Variants in SYDE2 observed in about 807,000 individuals in gnomAD.
SYDE2 encodes the protein synapse defective Rho GTPase homolog 2.
SYDE2 carries 76 observed loss-of-function variants against 91.5 expected under a neutral mutation model. The ratio of observed to expected loss-of-function variants is 0.83; its 90% confidence interval spans 0.69 to 1.01. The LOEUF is 1.01. Among genes scored for constraint, SYDE2 ranks in the 50% least tolerant of loss-of-function variants. The pLI is 0.00. For synonymous variants in SYDE2, 513 were observed against 506.4 expected (o/e 1.01, Z -0.18); for missense variants, 1,364 against 1,367.7 (o/e 1.00, Z 0.04).
intron 4 of SYDE2, among the ~76,000 whole-genome samples, chr1:85,174,144 T>C (rs817436): frequency 0.077 from 11,750 of 151,966 alleles, 518 homozygotes; most frequent in Middle Eastern, 0.13. Context: ...GTAGTGGCAG[T>C]GGGTAGGTGG....
intron 6 of SYDE2, among the ~76,000 whole-genome samples, chr1:85,164,162 T>C (rs1657179848): frequency 1.3e-5 from 2 of 152,204 alleles, no homozygotes; most frequent in Non-Finnish European, 2.9e-5. Context: ...TACACAATTT[T>C]TAAAAATCCT....
chr1:85,158,832 T>C lies in SYDE2; in HGVS notation c.3503A>G (p.Lys1168Arg), dbSNP rs919168721. 2.6e-6 allele frequency: 2 copies of C among 775,494 alleles called. No individual in the cohort carries two copies. Among genetic ancestry groups the C allele is most frequent in the Admixed American group, 1.7e-5 (1 of 57,882 alleles). 48.0% of individuals were successfully genotyped at this position (775,494 alleles called of 1,614,324 possible). A position where few individuals can be genotyped will look rare whatever the true frequency, so the allele number is the denominator to read the frequency against. The change falls in exon 7 of 7, where the codon AAA becomes AGA. Residue 1168 changes from lysine (K) to arginine (R), a missense_variant. Lys to Arg is a conservative substitution (Grantham distance 26, BLOSUM62 2). Transcript: ENST00000341460. ...ESTVDRKNNL[K>R]DLQESIDTLI... is the part of the protein sequence containing the mutation. The stretch of plus-strand genomic sequence containing the variant: ...AGTATCAATACTTTCTTGTAGATCT[T>C]TGAGATTGTTTTTTCGATCCACTGT...
At chr1:85,159,931 AT>A (rs1201287854) in intron 6 of SYDE2, 4 of 984,514 alleles carry the variant, frequency 4.1e-6, no homozygotes, top group Admixed American at 6.2e-5. Flanking sequence ...CCCAAATAAC[AT>A]TTTCCACATT....
intron 2 of SYDE2, among the ~76,000 whole-genome samples, chr1:85,188,404 T>C (rs953491388): frequency 3.3e-5 from 5 of 152,224 alleles, no homozygotes; most frequent in Admixed American, 6.5e-5. Flanking sequence ...CAGCTTTTCT[T>C]TCAAAATTGC....
At position 85,189,630 on chromosome 1, in the gene SYDE2, G is replaced by A. The variant is rs572380870; in HGVS notation, c.1441+427C>T. ...GTAGGCAGATGGTTTGAGGTCAGGA[G>A]TTCAAGACCAGCCTGGTCAACAAAG... On this transcript the variant is annotated intron_variant, in intron 2 of 6. Transcript: ENST00000341460. Among the ~76,000 whole-genome samples, 3 of 152,284 alleles carry A rather than the reference G, an allele frequency of 2.0e-5. No individual in the cohort carries two copies. In the East Asian group the frequency reaches 5.8e-4, roughly 29 times the overall value.
At chr1:85,165,581 TATAA>T (rs992579667) in intron 5 of SYDE2, among the ~76,000 whole-genome samples, 9 of 146,756 alleles carry the variant, frequency 6.1e-5, no homozygotes, top group Non-Finnish European at 9.0e-5. Flanking sequence ...CTAATATACA[TATAA>T]ATAAATAAAT....
intron 3 of SYDE2, among the ~76,000 whole-genome samples, chr1:85,179,342 T>C (rs1657825605): frequency 6.6e-6 from 1 of 152,214 alleles, no homozygotes; most frequent in African/African-American, 2.4e-5. Flanking sequence ...TTACTTATGA[T>C]ACTAATCTCT....
chr1:85,190,934 AGAAATCAAAC>A (rs1486267963), intron 1 of SYDE2, among the ~76,000 whole-genome samples, 182 bp from the exon 2 acceptor site: 1 of 152,214 alleles, frequency 6.6e-6, no homozygotes, highest in Non-Finnish European at 1.5e-5. Flanking sequence ...TATATTATTT[AGAAATCAAAC>A]TGCTAGTACA....
chr1:85,170,368 T>C (rs2100654990), intron 4 of SYDE2, among the ~76,000 whole-genome samples: 1 of 152,250 alleles, frequency 6.6e-6, no homozygotes, highest in Non-Finnish European at 1.5e-5. Flanking sequence ...CCAGAGTACC[T>C]GGCATGAGAC....
Position 85,158,884 on chromosome 1 carries a change from A to G in SYDE2, c.3451T>C (p.Tyr1151His), listed in dbSNP as rs1385973039. Residue 1151 changes from tyrosine (Y) to histidine (H), a missense_variant, in exon 7 of 7, where the codon TAT becomes CAT. Physicochemically the swap from Tyr to His is moderately conservative, Grantham distance 83. Transcript: ENST00000341460. The stretch of plus-strand genomic sequence containing the variant: ...GACTCAACTGTCTGCATTGTCAAAT[A>G]TGTCTGAAATGTACACTCTTTGGAC... ...PMSKECTFQT[Y>H]LTMQTVESTV... is the part of the protein sequence containing the mutation. 3 of 780,348 alleles carry G rather than the reference A, an allele frequency of 3.8e-6. No homozygotes were observed. Among genetic ancestry groups the G allele is most frequent in the Non-Finnish European group, 7.2e-6 (3 of 417,888 alleles). 48.3% of individuals were successfully genotyped at this position (780,348 alleles called of 1,614,324 possible). A position where few individuals can be genotyped will look rare whatever the true frequency, so the allele number is the denominator to read the frequency against.
intron 6 of SYDE2, chr1:85,160,642 C>T (rs775669832): frequency 3.0e-6 from 3 of 985,416 alleles, no homozygotes; most frequent in East Asian, 1.1e-4. Flanking sequence ...CTTATCACCA[C>T]TATCTCCTTG....
intron 1 of SYDE2, 62 bp from the exon 2 acceptor site, chr1:85,190,814 C>A: frequency 7.4e-7 from 1 of 1,357,084 alleles, no homozygotes; most frequent in Non-Finnish European, 9.9e-7. Context: ...AGACATGTCA[C>A]TTCAGACCAG....
downstream of SYDE2, chr1:85,153,949 T>A (rs1245731667): frequency 1.3e-5 from 2 of 152,120 alleles, no homozygotes; most frequent in Admixed American, 1.3e-4. Context: ...GATACACTAT[T>A]TTCTCAACAA....
chr1:85,182,979 G>T lies in SYDE2; in HGVS notation c.1663C>A (p.Pro555Thr), dbSNP rs374627852. 1.3e-5 allele frequency: 21 copies of T among 1,613,554 alleles called. No homozygotes were observed. Among genetic ancestry groups the T allele is most frequent in the Non-Finnish European group, 1.8e-5 (21 of 1,179,760 alleles). Residue 555 changes from proline to threonine, a missense_variant, in exon 3 of 7, where the codon CCA (proline) becomes ACA (threonine). Transcript: ENST00000341460. ...VKGTLNYINS[P>T]DNTPSLSKYN... ...TTAGACAAAGAAGGAGTATTATCTG[G>T]ACTGTTTATATAATTCAATGTTCCC...
chr1:85,177,821 G>C (rs817439), intron 4 of SYDE2, among the ~76,000 whole-genome samples: 37,539 of 151,942 alleles, frequency 0.25, 6,089 homozygotes, highest in African/African-American at 0.46. Context: ...TAGTCAATAC[G>C]CTCTATATCA....
downstream of SYDE2, among the ~76,000 whole-genome samples, chr1:85,155,009 C>CAAAAAAAAAAAAAAAGAAAAAA (rs1656844383): frequency 1.2e-5 from 1 of 80,676 alleles, no homozygotes; most frequent in East Asian, 3.2e-4. Context: ...AAGAATGCAG[C>CAAAAAAAAAAAAAAAGAAAAAA]AAAAAAAAAA....
chr1:85,167,333 AATTCTAAATT>A (rs1386396816), intron 5 of SYDE2, among the ~76,000 whole-genome samples: 1 of 152,234 alleles, frequency 6.6e-6, no homozygotes, highest in African/African-American at 2.4e-5. Flanking sequence ...TATTCTAAAT[AATTCTAAATT>A]AAAAATAAAT....
chr1:85,157,140 TG>T lies in SYDE2; in HGVS notation c.*1609del, dbSNP rs545677558. On this transcript the variant is annotated 3_prime_UTR_variant, in exon 7 of 7. Transcript: ENST00000341460. The stretch of plus-strand genomic sequence containing the variant: ...ATAATGTCTGTTTATCAATATTTAT[TG>T]CATAGAAATATTTTAAGTACTTTAA... 2.0e-5 allele frequency: 3 copies of T among 152,184 alleles called. No homozygotes were observed. In the East Asian group the frequency reaches 5.8e-4, roughly 29 times the overall value. 9.4% of individuals were successfully genotyped at this position (152,184 alleles called of 1,614,324 possible).
At chr1:85,170,040 A>T (rs1018464724) in intron 4 of SYDE2, among the ~76,000 whole-genome samples, 1 of 152,134 alleles carries the variant, frequency 6.6e-6, no homozygotes, top group African/African-American at 2.4e-5. Flanking sequence ...AATATATACA[A>T]TATTGATCCA....
Sources: gnomAD v4.1 joint callset for allele counts (sites outside exome capture counted in the v4.1 genomes callset) on GRCh38, gnomAD v4.1.1 for gene constraint, MANE v1.5 for transcripts, NCBI Gene and HGNC (gene_info 2026-07-23, HGNC 2026-07-21) for gene names.